PKNOX2: variants seen among roughly 807,000 people sequenced by gnomAD.
PKNOX2 encodes homeobox protein PKNOX2.
PKNOX2 carries 14 observed loss-of-function variants against 53.1 expected under a neutral mutation model. The ratio of observed to expected loss-of-function variants is 0.26; its 90% CI spans 0.17 to 0.41. The LOEUF (loss-of-function observed/expected upper bound fraction) is 0.41, where lower values mean the gene tolerates loss of function less well. Among genes scored for constraint, PKNOX2 ranks in the 10% least tolerant of loss-of-function variants. The pLI is 1.00. For synonymous variants in PKNOX2, 257 were observed against 242.8 expected, an observed-to-expected ratio of 1.06 and a Z score of -0.54; for missense variants, 496 against 602.8, an observed-to-expected ratio of 0.82 and a Z score of 1.85.
intron 10 of PKNOX2, among the ~76,000 whole-genome samples, chr11:125,420,225 A>AT (rs1243296656): frequency 3.4e-5 from 1 of 29,426 alleles, no homozygotes; most frequent in Non-Finnish European, 1.7e-4. Context: ...TGAGTTTTTT[A>AT]TTTAAAAAAA....
intron 1 of PKNOX2, among the ~76,000 whole-genome samples, chr11:125,212,720 T>C (rs1171640024): frequency 6.6e-6 from 1 of 151,988 alleles, no homozygotes; most frequent in Non-Finnish European, 1.5e-5. Flanking sequence ...GCAGGATCCA[T>C]GATCCATAGA....
intron 1 of PKNOX2, among the ~76,000 whole-genome samples, chr11:125,202,777 C>T (rs1262408234): frequency 6.6e-6 from 1 of 152,138 alleles, no homozygotes; most frequent in Non-Finnish European, 1.5e-5. Flanking sequence ...TCAGGCTCCA[C>T]AGAGCATTTT....
intron 2 of PKNOX2, chr11:125,259,167 G>A (rs995316254): frequency 3.3e-5 from 5 of 152,928 alleles, no homozygotes; most frequent in African/African-American, 1.2e-4. Context: ...TGATTCTGGA[G>A]GTTCTTCAAA....
In PKNOX2 at chr11:125,314,459, G is replaced by A. The variant is rs184060352; in HGVS notation, c.-129-17360G>A. On this transcript the variant is annotated intron_variant, in intron 2 of 12. Coordinates refer to ENST00000298282, the MANE Select transcript of PKNOX2 (RefSeq NM_001382323.2). ...CTCAGAGCTCGCGTCCAGATGGCCC[G>A]GCAGTTTCTCCTCCTGGGAGCATGC... Among the ~76,000 whole-genome samples the A allele has an allele frequency of 3.1e-3, 471 of 152,244 alleles. 1 individual carries two copies. Among genetic ancestry groups the A allele is most frequent in the South Asian group, 0.022 (108 of 4,808 alleles).
chr11:125,259,363 G>A (rs1295336160), intron 2 of PKNOX2, among the ~76,000 whole-genome samples: 2 of 152,186 alleles, frequency 1.3e-5, no homozygotes, highest in South Asian at 4.1e-4. Flanking sequence ...TAAGATTCCT[G>A]CCAGCTCTGA....
chr11:125,394,557 A>G (rs891594301), intron 6 of PKNOX2, among the ~76,000 whole-genome samples: 2 of 152,210 alleles, frequency 1.3e-5, no homozygotes, highest in African/African-American at 4.8e-5. Flanking sequence ...TGAAATGCCA[A>G]TGAGGCTCAG....
Position 125,207,899 on chromosome 11 carries a change from C to A in PKNOX2, c.-200-27146C>A, listed in dbSNP as rs77348478. 6.7e-3 allele frequency among the ~76,000 whole-genome samples: 1,017 copies of A among 152,158 alleles called. 10 individuals are homozygous for A. Among genetic ancestry groups the A allele is most frequent in the Non-Finnish European group, 0.011 (732 of 67,954 alleles). ...CTTGGATTGAAAACTGCCAGGGAGACTTAATTTAGTCATCCATTTTTTTAA... is the reference window on the plus strand; with the variant it reads ...CTTGGATTGAAAACTGCCAGGGAGAATTAATTTAGTCATCCATTTTTTTAA... On this transcript the variant is annotated intron_variant, in intron 1 of 12. Transcript: ENST00000298282.
At chr11:125,343,751 C>T (rs1195025173) in intron 3 of PKNOX2, among the ~76,000 whole-genome samples, 2 of 152,098 alleles carry the variant, frequency 1.3e-5, no homozygotes, top group African/African-American at 2.4e-5. Context: ...CACTCTTGTT[C>T]CCGGTGTGGA....
intron 5 of PKNOX2, among the ~76,000 whole-genome samples, chr11:125,380,163 C>T (rs1254985217): frequency 2.6e-5 from 4 of 152,190 alleles, no homozygotes; most frequent in Non-Finnish European, 4.4e-5. Context: ...GGCACCCAGG[C>T]GGAGGCGCAG....
At chr11:125,322,342 C>T (rs1050860268) in intron 2 of PKNOX2, among the ~76,000 whole-genome samples, 1 of 152,122 alleles carries the variant, frequency 6.6e-6, no homozygotes, top group Non-Finnish European at 1.5e-5. Flanking sequence ...CTTTGGGAAG[C>T]ATATCCAAGT....
At chr11:125,387,658 C>T (rs1953742119) in intron 6 of PKNOX2, among the ~76,000 whole-genome samples, 1 of 152,234 alleles carries the variant, frequency 6.6e-6, no homozygotes, top group Non-Finnish European at 1.5e-5. Flanking sequence ...GCTGTGGAAG[C>T]TGCCCTGGTG....
chr11:125,415,234 C>CTT (rs35920181), intron 10 of PKNOX2, among the ~76,000 whole-genome samples: 917 of 77,534 alleles, frequency 0.012, 11 homozygotes, highest in African/African-American at 0.038. Context: ...TAAAGTTTAG[C>CTT]TTTTTTTTTT....
At chr11:125,246,394 C>T (rs1447137585) in intron 2 of PKNOX2, among the ~76,000 whole-genome samples, 2 of 152,230 alleles carry the variant, frequency 1.3e-5, no homozygotes, top group Admixed American at 6.5e-5. Flanking sequence ...AAGGCCCTGC[C>T]TTCCAATATA....
intron 10 of PKNOX2, among the ~76,000 whole-genome samples, chr11:125,417,475 C>G (rs543327357): frequency 1.3e-5 from 2 of 152,088 alleles, no homozygotes; most frequent in Admixed American, 6.5e-5. Context: ...CACACAACCA[C>G]CCTAGGAGGA....
intron 2 of PKNOX2, among the ~76,000 whole-genome samples, chr11:125,317,376 C>A (rs1949261807): frequency 6.6e-6 from 1 of 152,180 alleles, no homozygotes; most frequent in Admixed American, 6.5e-5. Flanking sequence ...TTTTAATTTT[C>A]TTTTCTCAGA....
At chr11:125,408,665 T>C (rs546699525) in intron 7 of PKNOX2, among the ~76,000 whole-genome samples, 8 of 152,220 alleles carry the variant, frequency 5.3e-5, no homozygotes, top group Admixed American at 2.0e-4. Flanking sequence ...GAGTGAGATG[T>C]ATAAATCAGT....
At chr11:125,279,754 A>G (rs149522601) in intron 2 of PKNOX2, among the ~76,000 whole-genome samples, 285 of 152,322 alleles carry the variant, frequency 1.9e-3, no homozygotes, top group African/African-American at 5.5e-3. Flanking sequence ...CGTGGCCCCA[A>G]TGAGCTGGCT....
At chr11:125,203,552 C>G (rs1040805515) in intron 1 of PKNOX2, among the ~76,000 whole-genome samples, 4 of 151,096 alleles carry the variant, frequency 2.6e-5, no homozygotes, top group African/African-American at 9.9e-5. Flanking sequence ...TCTTTGGGGA[C>G]AGGACTGCAA....
intron 2 of PKNOX2, among the ~76,000 whole-genome samples, chr11:125,290,276 T>TG (rs1476753812): frequency 1.3e-5 from 2 of 152,208 alleles, no homozygotes; most frequent in Non-Finnish European, 2.9e-5. Flanking sequence ...GCCCAGCTAC[T>TG]GGTGGAGCGG....
Sources: allele counts gnomAD v4.1 joint callset (sites outside exome capture counted in the v4.1 genomes callset), GRCh38; gene constraint gnomAD v4.1.1; transcripts MANE v1.5; gene names NCBI Gene and HGNC (gene_info 2026-07-23, HGNC 2026-07-21).